RPS6KA3: variants seen among roughly 807,000 people sequenced by gnomAD.
RPS6KA3 encodes the protein ribosomal protein S6 kinase A3.
A neutral mutation model predicts 67.2 loss-of-function variants in RPS6KA3; 4 were observed. The observed-to-expected ratio is 0.06, with a 90% CI of 0.03 to 0.14. The LOEUF is 0.14. Ranked by LOEUF, RPS6KA3 falls within the 10% of genes least tolerant of loss-of-function variation. RPS6KA3 has a pLI of 1.00. For missense variants in RPS6KA3, 204 were observed against 559.0 expected, an observed-to-expected ratio of 0.36 and a Z score of 6.40; for synonymous variants, 182 against 183.7, an observed-to-expected ratio of 0.99 and a Z score of 0.07.
At chrX:20,229,394 C>A (rs1428937690) in intron 2 of RPS6KA3, among the ~76,000 whole-genome samples, 1 of 111,940 alleles carries the variant, frequency 8.9e-6, no homozygotes, top group African/African-American at 3.2e-5. Flanking sequence ...GGGCCAGCAA[C>A]CATGTGAGCT....
intron 17 of RPS6KA3, among the ~76,000 whole-genome samples, chrX:20,165,663 C>T (rs1166510340): frequency 8.9e-6 from 1 of 111,885 alleles, no homozygotes; most frequent in African/African-American, 3.2e-5. Context: ...ACATACACAA[C>T]AAATATATTC....
At chrX:20,258,187 A>G (rs2070126230) in intron 1 of RPS6KA3, among the ~76,000 whole-genome samples, 1 of 112,182 alleles carries the variant, frequency 8.9e-6, no homozygotes, top group Admixed American at 9.4e-5. Flanking sequence ...GGTGACTATT[A>G]GATAAAATTT....
intron 7 of RPS6KA3, among the ~76,000 whole-genome samples, chrX:20,188,735 A>G (rs1603425508): frequency 8.9e-6 from 1 of 112,642 alleles, no homozygotes; most frequent in Admixed American, 9.4e-5. Flanking sequence ...GCAATGCCAT[A>G]AACTTGTATT....
chrX:20,212,603 T>C (rs1045015035), intron 2 of RPS6KA3, among the ~76,000 whole-genome samples: 4 of 110,324 alleles, frequency 3.6e-5, no homozygotes, highest in African/African-American at 9.9e-5. Flanking sequence ...GGTGTGGTGG[T>C]TGGTGCGAGC....
At chrX:20,252,660 T>C (rs1048681862) in intron 1 of RPS6KA3, among the ~76,000 whole-genome samples, 3 of 110,557 alleles carry the variant, frequency 2.7e-5, no homozygotes, top group African/African-American at 6.6e-5. Context: ...GCCCCACTGA[T>C]GACAGGGAGG....
chrX:20,254,864 G>A (rs763424173), intron 1 of RPS6KA3, among the ~76,000 whole-genome samples: 2 of 111,956 alleles, frequency 1.8e-5, no homozygotes. Context: ...CGGAAAAGCT[G>A]GAACTCTCAT....
intron 10 of RPS6KA3, among the ~76,000 whole-genome samples, chrX:20,180,598 T>A (rs992922181): frequency 9.0e-6 from 1 of 111,188 alleles, no homozygotes; most frequent in Non-Finnish European, 1.9e-5. Context: ...ATGGACTCAC[T>A]CCAATAAACA....
intron 3 of RPS6KA3, among the ~76,000 whole-genome samples, chrX:20,208,767 A>G (rs1450083256): frequency 9.0e-6 from 1 of 111,590 alleles, no homozygotes; most frequent in Non-Finnish European, 1.9e-5. Context: ...TTTTGATATT[A>G]AAAACAAACA....
intron 10 of RPS6KA3, among the ~76,000 whole-genome samples, chrX:20,182,334 T>A (rs1188593463): frequency 8.9e-6 from 1 of 112,115 alleles, no homozygotes; most frequent in Non-Finnish European, 1.9e-5. Context: ...CTTCCTTAGC[T>A]CCACATTCTT....
At chrX:20,159,370 A>G (rs2067257044) in intron 20 of RPS6KA3, among the ~76,000 whole-genome samples, 1 of 112,437 alleles carries the variant, frequency 8.9e-6, no homozygotes, top group African/African-American at 3.2e-5. Flanking sequence ...TCTGAAAGCC[A>G]CATATGGCCC....
At chrX:20,250,328 A>G (rs1207588409) in intron 1 of RPS6KA3, among the ~76,000 whole-genome samples, 2 of 111,446 alleles carry the variant, frequency 1.8e-5, no homozygotes, top group Non-Finnish European at 3.8e-5. Context: ...ACCTAGGACT[A>G]TAAGTGCATG....
intron 2 of RPS6KA3, among the ~76,000 whole-genome samples, chrX:20,226,472 C>T (rs2069124845): frequency 8.9e-6 from 1 of 112,057 alleles, no homozygotes; most frequent in African/African-American, 3.2e-5. Flanking sequence ...ATCTCCAACA[C>T]ATCTCACTTT....
intron 1 of RPS6KA3, among the ~76,000 whole-genome samples, chrX:20,264,791 T>C (rs2070328732): frequency 8.9e-6 from 1 of 112,294 alleles, no homozygotes; most frequent in African/African-American, 3.2e-5. Flanking sequence ...TTGTTAATGT[T>C]TGTATGTAAA....
intron 1 of RPS6KA3, among the ~76,000 whole-genome samples, chrX:20,242,707 GA>G (rs1429794335): frequency 1.8e-5 from 2 of 112,140 alleles, no homozygotes; most frequent in Non-Finnish European, 3.8e-5. Context: ...TGGCTTGCTG[GA>G]TATTAGATGT....
chrX:20,232,959 A>AC (rs1462253725), intron 2 of RPS6KA3, among the ~76,000 whole-genome samples: 1 of 110,961 alleles, frequency 9.0e-6, no homozygotes, highest in Non-Finnish European at 1.9e-5. Context: ...ACATTGTGCA[A>AC]CCCCATCTCT....
rs752467529 is a variant in RPS6KA3 at position 20,249,319 on chromosome X, G to A, written c.70-14505C>T. Among the ~76,000 whole-genome samples the A allele has an allele frequency of 8.9e-5, 10 of 111,800 alleles. No homozygotes were observed. In the South Asian group the frequency reaches 1.1e-3, roughly 13 times the overall value. The stretch of plus-strand genomic sequence containing the variant: ...TGGACATAAGTTTTCATTTCTCTGC[G>A]GTGAATGTCCAGGAGTACAACTGCT... On this transcript the variant is annotated intron_variant, in intron 1 of 21. Coordinates refer to ENST00000379565, the MANE Select transcript of RPS6KA3 (RefSeq NM_004586.3).
rs761673614 is a variant in RPS6KA3, at chrX:20,264,379, C to A, written c.69+2185G>T. Among the ~76,000 whole-genome samples, 8 of 112,315 alleles carry A rather than the reference C, an allele frequency of 7.1e-5. No homozygotes were observed. The East Asian group carries it at 2.2e-3, about 32-fold the overall frequency. ...TTTGTTTCTGGAAAATAGATGACCT[C>A]TAACTACTGGCTTATTTATACCCCG... On this transcript the variant is annotated intron_variant, in intron 1 of 21. Coordinates refer to ENST00000379565, the MANE Select transcript of RPS6KA3 (RefSeq NM_004586.3).
At chrX:20,234,023 G>C (rs1431374860) in intron 2 of RPS6KA3, among the ~76,000 whole-genome samples, 1 of 112,124 alleles carries the variant, frequency 8.9e-6, no homozygotes, top group African/African-American at 3.2e-5. Context: ...AGGCACATTG[G>C]TTTAGTTACT....
At chrX:20,223,742 A>G (rs1295478336) in intron 2 of RPS6KA3, among the ~76,000 whole-genome samples, 1 of 111,987 alleles carries the variant, frequency 8.9e-6, no homozygotes, top group Non-Finnish European at 1.9e-5. Flanking sequence ...CTCAGACGTT[A>G]TATCATTTTA....
Sources: gnomAD v4.1 joint callset for allele counts (sites outside exome capture counted in the v4.1 genomes callset) on GRCh38, gnomAD v4.1.1 for gene constraint, MANE v1.5 for transcripts, NCBI Gene and HGNC (gene_info 2026-07-23, HGNC 2026-07-21) for gene names.